Variants in ENTPD1 observed in about 807,000 individuals in gnomAD.
The protein encoded by ENTPD1 is ectonucleoside triphosphate diphosphohydrolase 1.
ENTPD1 carries 33 observed loss-of-function variants against 57.0 expected under a neutral mutation model. The ratio of observed to expected loss-of-function variants is 0.58; its 90% CI spans 0.44 to 0.77. The LOEUF (loss-of-function observed/expected upper bound fraction) is 0.77, where lower values mean the gene tolerates loss of function less well. ENTPD1 is among the 30% of genes least tolerant of loss of function. The probability of loss-of-function intolerance (pLI) is 0.00; values close to 1 mark genes in which losing one functional copy is unlikely to be tolerated. For missense variants in ENTPD1, 501 were observed against 603.4 expected, an observed-to-expected ratio of 0.83 and a Z score of 1.78; for synonymous variants, 202 against 218.8, an observed-to-expected ratio of 0.92 and a Z score of 0.68.
intron 1 of ENTPD1, among the ~76,000 whole-genome samples, chr10:95,784,852 A>G (rs1486469972): frequency 6.6e-6 from 1 of 152,122 alleles, no homozygotes; most frequent in Non-Finnish European, 1.5e-5. Context: ...CAGGACAATC[A>G]TGGGGGTTTG....
chr10:95,834,350 A>C (rs541892744), intron 2 of ENTPD1, among the ~76,000 whole-genome samples: 4 of 152,324 alleles, frequency 2.6e-5, no homozygotes, highest in African/African-American at 9.6e-5. Flanking sequence ...CCATGTGGCC[A>C]GTACCGTCTT....
intron 1 of ENTPD1, among the ~76,000 whole-genome samples, chr10:95,806,233 C>T (rs1456599396): frequency 6.6e-6 from 1 of 152,178 alleles, no homozygotes; most frequent in Non-Finnish European, 1.5e-5. Context: ...CACTTTATTT[C>T]ATTAATTTGA....
In ENTPD1 at chr10:95,868,402, G is replaced by A. The variant is rs2098476687; in HGVS notation, c.*2019G>A. The A allele has an allele frequency of 1.0e-6, 1 of 985,284 alleles. No homozygotes were observed. The highest frequency in any genetic ancestry group is 1.7e-5 in the African/African-American group (1 of 57,234). 61.0% of individuals were successfully genotyped at this position (985,284 alleles called of 1,614,324 possible). The stretch of plus-strand genomic sequence containing the variant: ...ATCATTCTGTTCATGTGCTTTGGAT[G>A]GAAGCACATCTGGCATATGATGCTA... On this transcript the variant is annotated 3_prime_UTR_variant, in exon 10 of 10. Transcript: ENST00000371205.
At position 95,868,040 on chromosome 10, in the gene ENTPD1, T is replaced by C; in HGVS notation, c.*1657T>C. The C allele has an allele frequency of 2.0e-6, 2 of 985,478 alleles. No individual in the cohort carries two copies. Among genetic ancestry groups the C allele is most frequent in the South Asian group, 9.4e-5 (2 of 21,290 alleles). The allele number at this position is 985,478 out of a possible 1,614,324, so 61.0% of individuals were successfully genotyped here. On this transcript the variant is annotated 3_prime_UTR_variant, in exon 10 of 10. Transcript: ENST00000371205. ...CCTATACTGTCATCGCTGCTGTTGG[T>C]TGAGCATTTGTGGTGTACCACGCTG...
intron 2 of ENTPD1, among the ~76,000 whole-genome samples, chr10:95,826,321 G>C (rs3901450): frequency 0.67 from 101,758 of 151,248 alleles, 34,707 homozygotes; most frequent in Admixed American, 0.74. Flanking sequence ...GCCTGTAATC[G>C]AAGCAGTTTG....
At chr10:95,709,754 T>TGTTG (rs1163517648), upstream of ENTPD1, among the ~76,000 whole-genome samples, 1 of 133,604 alleles carries the variant, frequency 7.5e-6, no homozygotes, top group Admixed American at 8.0e-5. Context: ...TGTTTTTTGT[T>TGTTG]GTTGTTTGTT....
intron 1 of ENTPD1, among the ~76,000 whole-genome samples, chr10:95,769,561 C>T (rs4582902): frequency 0.5 from 76,335 of 152,044 alleles, 19,659 homozygotes; most frequent in Admixed American, 0.6. Flanking sequence ...TTGGCTTTTA[C>T]TTATAGAGCA....
At chr10:95,858,728 A>C (rs2098460015) in intron 7 of ENTPD1, among the ~76,000 whole-genome samples, 1 of 152,206 alleles carries the variant, frequency 6.6e-6, no homozygotes, top group African/African-American at 2.4e-5. Flanking sequence ...TCCTAGAGGA[A>C]TGAGCATACC....
At position 95,758,002 on chromosome 10, in the gene ENTPD1, C is replaced by CAAAAAAAAAAAAAAAAAAA. The variant is rs57407553; in HGVS notation, c.16+1757_16+1775dup. On this transcript the variant is annotated intron_variant, in intron 1 of 9. Coordinates refer to ENST00000371205, the MANE Select transcript of ENTPD1 (RefSeq NM_001776.6). ...CCTGGGCGAGAGTGAGACACTGTCTCAAAAAAAAAAAAAAAAAAAAAAAAA... is the reference window on the plus strand; with the variant it reads ...CCTGGGCGAGAGTGAGACACTGTCTCAAAAAAAAAAAAAAAAAAAAAAAAAAAAAAAAAAAAAAAAAAAA... Among the ~76,000 whole-genome samples the CAAAAAAAAAAAAAAAAAAA allele has an allele frequency of 1.7e-3, 45 of 26,400 alleles. 4 individuals carry two copies. The highest frequency in any genetic ancestry group is 2.5e-3 in the Non-Finnish European group (29 of 11,746). The allele number at this position is 26,400 out of a possible 152,430, so 17.3% of individuals were successfully genotyped here.
upstream of ENTPD1, among the ~76,000 whole-genome samples, chr10:95,706,822 AG>A (rs2097962659): frequency 6.6e-6 from 1 of 152,196 alleles, no homozygotes; most frequent in Non-Finnish European, 1.5e-5. Flanking sequence ...CATGGCCTGA[AG>A]GTGGTGCCTT....
At chr10:95,860,363 T>C in intron 7 of ENTPD1, 106 bp from the exon 8 acceptor site, 1 of 872,356 alleles carries the variant, frequency 1.1e-6, no homozygotes, top group Admixed American at 2.1e-5. Flanking sequence ...GTTAATTTAC[T>C]CAGCAGAACT....
In ENTPD1 at chr10:95,871,663, G is replaced by A; in HGVS notation, c.*5280G>A. ...TGAAGTGAAGATTGCTATGTCTTTT[G>A]CATTGCTCTATTTTACATAAATTAA... On this transcript the variant is annotated 3_prime_UTR_variant, in exon 10 of 10. Transcript: ENST00000371205. The A allele has an allele frequency of 1.0e-6, 1 of 985,338 alleles. No homozygotes were observed. Among genetic ancestry groups the A allele is most frequent in the Non-Finnish European group, 1.2e-6 (1 of 829,866 alleles). 61.0% of individuals were successfully genotyped at this position (985,338 alleles called of 1,614,324 possible).
intron 1 of ENTPD1, among the ~76,000 whole-genome samples, chr10:95,803,266 G>A (rs2098258109): frequency 6.6e-6 from 1 of 152,124 alleles, no homozygotes; most frequent in African/African-American, 2.4e-5. Context: ...TCTAGTTCTA[G>A]ATCCTTGGAT....
At chr10:95,742,142 C>T (rs996036620) in intron 1 of ENTPD1, among the ~76,000 whole-genome samples, 4 of 152,214 alleles carry the variant, frequency 2.6e-5, no homozygotes, top group Middle Eastern at 3.2e-3. Flanking sequence ...TCCACTGACT[C>T]TTAGGCCCAG....
At chr10:95,839,419 C>A in intron 2 of ENTPD1, 1 of 457,848 alleles carries the variant, frequency 2.2e-6, no homozygotes, top group Non-Finnish European at 4.0e-6. Flanking sequence ...TTAGAATCAC[C>A]TAAGAAGCTT....
intron 1 of ENTPD1, among the ~76,000 whole-genome samples, chr10:95,739,522 T>C (rs2097998029): frequency 6.6e-6 from 1 of 152,244 alleles, no homozygotes; most frequent in East Asian, 1.9e-4. Flanking sequence ...CAAGTCCTCA[T>C]CTGCTCCATT....
intron 1 of ENTPD1, among the ~76,000 whole-genome samples, chr10:95,724,462 G>A (rs144933276): frequency 0.016 from 2,373 of 152,204 alleles, 59 homozygotes; most frequent in African/African-American, 0.054. Flanking sequence ...TGGGGTTCTT[G>A]GCCTCACGGA....
At chr10:95,765,795 T>A (rs1254368084) in intron 1 of ENTPD1, among the ~76,000 whole-genome samples, 1 of 152,182 alleles carries the variant, frequency 6.6e-6, no homozygotes, top group African/African-American at 2.4e-5. Flanking sequence ...CTTAAAAATA[T>A]TAAATCTTCT....
At chr10:95,790,915 G>A (rs752190345) in intron 1 of ENTPD1, among the ~76,000 whole-genome samples, 3 of 152,170 alleles carry the variant, frequency 2.0e-5, no homozygotes, top group Non-Finnish European at 2.9e-5. Context: ...GTTGTCTTAT[G>A]TGGCACGATT....
Sources: gnomAD v4.1 joint callset for allele counts (sites outside exome capture counted in the v4.1 genomes callset) on GRCh38, gnomAD v4.1.1 for gene constraint, MANE v1.5 for transcripts, NCBI Gene and HGNC (gene_info 2026-07-23, HGNC 2026-07-21) for gene names.